AHCYL2: variants seen among roughly 807,000 people sequenced by gnomAD.
The protein encoded by AHCYL2 is S-adenosylhomocysteine hydrolase-like protein 2.
Under a neutral mutation model 81.4 loss-of-function variants are expected in AHCYL2, and 28 were observed. The ratio of observed to expected loss-of-function variants is 0.34; its 90% CI spans 0.25 to 0.47. The LOEUF is 0.47. AHCYL2 is among the 20% of genes least tolerant of loss of function. AHCYL2 has a pLI of 1.00. For missense variants in AHCYL2, 551 were observed against 785.1 expected, an observed-to-expected ratio of 0.70 and a Z score of 3.56; for synonymous variants, 272 against 290.2, an observed-to-expected ratio of 0.94 and a Z score of 0.64.
At chr7:129,346,307 T>C (rs1310711470) in intron 1 of AHCYL2, among the ~76,000 whole-genome samples, 1 of 152,150 alleles carries the variant, frequency 6.6e-6, no homozygotes, top group Non-Finnish European at 1.5e-5. Context: ...GAGCCTCAGT[T>C]TTTTCAACTG....
intron 1 of AHCYL2, among the ~76,000 whole-genome samples, chr7:129,275,570 ATAG>A (rs1490419478): frequency 6.6e-6 from 1 of 152,234 alleles, no homozygotes; most frequent in East Asian, 1.9e-4. Flanking sequence ...TAGCAGGTTA[ATAG>A]TAGCCAAAAC....
chr7:129,238,697 A>G (rs1794726399), intron 1 of AHCYL2, among the ~76,000 whole-genome samples: 1 of 152,124 alleles, frequency 6.6e-6, no homozygotes. Flanking sequence ...CACGCTTGCA[A>G]TCCCAGCACT....
chr7:129,376,000 CT>C (rs1408117646), intron 1 of AHCYL2: 6 of 1,513,482 alleles, frequency 4.0e-6, no homozygotes, highest in African/African-American at 1.4e-5. Context: ...TGCTTATACT[CT>C]TTTTCCCCTC....
chr7:129,371,017 C>A (rs57263220), intron 1 of AHCYL2, among the ~76,000 whole-genome samples: 45,734 of 152,096 alleles, frequency 0.3, 6,987 homozygotes, highest in South Asian at 0.37. Flanking sequence ...GCCAAGAAAG[C>A]TAACCTCTGA....
At chr7:129,399,054 A>G (rs1237854799) in intron 5 of AHCYL2, among the ~76,000 whole-genome samples, 1 of 148,840 alleles carries the variant, frequency 6.7e-6, no homozygotes, top group Non-Finnish European at 1.5e-5. Flanking sequence ...AGGCAGGAGA[A>G]TCGCTTGAAC....
At chr7:129,260,763 C>A (rs931623194) in intron 1 of AHCYL2, among the ~76,000 whole-genome samples, 7 of 152,138 alleles carry the variant, frequency 4.6e-5, no homozygotes, top group African/African-American at 1.7e-4. Context: ...GTCAACTGAA[C>A]TCTCATCAAC....
intron 11 of AHCYL2, chr7:129,410,412 C>T: frequency 6.3e-7 from 1 of 1,578,942 alleles, no homozygotes; most frequent in Non-Finnish European, 8.7e-7. Flanking sequence ...GAACTATTAG[C>T]AATTCACAGG....
In AHCYL2 at chr7:129,266,995, G is replaced by A. The variant is rs189069177; in HGVS notation, c.363+41556G>A. 2.4e-4 allele frequency among the ~76,000 whole-genome samples: 37 copies of A among 151,326 alleles called. No individual in the cohort carries two copies. In the East Asian group the frequency reaches 6.0e-3, roughly 25 times the overall value. On this transcript the variant is annotated intron_variant, in intron 1 of 16. Coordinates refer to ENST00000325006, the MANE Select transcript of AHCYL2 (RefSeq NM_015328.4). Reference sequence around the variant, plus strand: ...ACTAAACGCAAAATATTTATGTTGTGGAGACATAGTAAATTATGATACATT... The same window carrying A: ...ACTAAACGCAAAATATTTATGTTGTAGAGACATAGTAAATTATGATACATT...
chr7:129,368,122 G>T lies in AHCYL2; in HGVS notation c.364-11516G>T. On this transcript the variant is annotated intron_variant, in intron 1 of 16. Transcript: ENST00000325006. This position sits in a 1 kb window ranked among gnomAD's most constrained non-coding sequence, Gnocchi z 4.4. ...AATTCACAAGTGCCTCACACACAGG[G>T]AAAGAAGGAAGTCCAACTATTGCTG... is the stretch of plus-strand genomic sequence containing the variant. The T allele has an allele frequency of 9.7e-7, 1 of 1,033,368 alleles. No individual in the cohort carries two copies. The highest frequency in any genetic ancestry group is 1.7e-5 in the African/African-American group (1 of 59,000). 64.0% of individuals were successfully genotyped at this position (1,033,368 alleles called of 1,614,324 possible). A position where few individuals can be genotyped will look rare whatever the true frequency, so the allele number is the denominator to read the frequency against.
chr7:129,338,033 C>T (rs1192670464), intron 1 of AHCYL2, among the ~76,000 whole-genome samples: 1 of 151,896 alleles, frequency 6.6e-6, no homozygotes, highest in Non-Finnish European at 1.5e-5. Flanking sequence ...TATGAGCCAC[C>T]GCGCCTGGCC....
intron 1 of AHCYL2, among the ~76,000 whole-genome samples, chr7:129,366,191 A>G (rs1219317666): frequency 6.6e-6 from 1 of 151,658 alleles, no homozygotes; most frequent in Non-Finnish European, 1.5e-5. Context: ...CTTTACTTCT[A>G]CCTCTGCTGT....
intron 1 of AHCYL2, among the ~76,000 whole-genome samples, chr7:129,319,164 A>G (rs778689874): frequency 2.6e-5 from 4 of 152,184 alleles, no homozygotes; most frequent in Non-Finnish European, 5.9e-5. Flanking sequence ...AACTCATGAA[A>G]ATAAACACAG....
intron 1 of AHCYL2, among the ~76,000 whole-genome samples, chr7:129,258,318 T>C (rs1211854192): frequency 6.6e-6 from 1 of 151,986 alleles, no homozygotes; most frequent in Non-Finnish European, 1.5e-5. Context: ...TGTTGGATTG[T>C]TGCTTAAATA....
chr7:129,417,233 C>T (rs1049875105), intron 12 of AHCYL2, among the ~76,000 whole-genome samples: 3 of 152,202 alleles, frequency 2.0e-5, no homozygotes, highest in Non-Finnish European at 4.4e-5. Flanking sequence ...AAGGCCAGTA[C>T]ACATGCCCTC....
At chr7:129,290,755 C>G (rs1796819568) in intron 1 of AHCYL2, among the ~76,000 whole-genome samples, 1 of 151,388 alleles carries the variant, frequency 6.6e-6, no homozygotes, top group Non-Finnish European at 1.5e-5. Flanking sequence ...ATGGTGAAAC[C>G]CCATCTCTAC....
At chr7:129,280,280 C>A (rs1296487740) in intron 1 of AHCYL2, among the ~76,000 whole-genome samples, 1 of 146,892 alleles carries the variant, frequency 6.8e-6, no homozygotes, top group Non-Finnish European at 1.5e-5. Context: ...AGCAGTTCTT[C>A]TGCCTCAGCC....
chr7:129,368,684 AC>A lies in AHCYL2; in HGVS notation c.364-10953del, dbSNP rs1794223599. The A allele has an allele frequency of 1.2e-5, 13 of 1,090,062 alleles. 1 individual carries two copies. Among genetic ancestry groups the A allele is most frequent in the Non-Finnish European group, 1.8e-5 (13 of 731,278 alleles). 67.5% of individuals were successfully genotyped at this position (1,090,062 alleles called of 1,614,324 possible). On this transcript the variant is annotated intron_variant, in intron 1 of 16. Coordinates refer to ENST00000325006, the MANE Select transcript of AHCYL2 (RefSeq NM_015328.4). The surrounding 1 kb of genome is among the most constrained non-coding windows in gnomAD (Gnocchi z 4.4). ...TGGTTGGAAAAACAGTTATTACTCT[AC>A]GTTCTGATTAGTTCCTAGGTACTAG...
chr7:129,390,035 A>G (rs1018525649), intron 4 of AHCYL2, among the ~76,000 whole-genome samples: 1 of 152,172 alleles, frequency 6.6e-6, no homozygotes, highest in Admixed American at 6.5e-5. Context: ...CAAGACCCCT[A>G]GTGGACACCT....
intron 1 of AHCYL2, among the ~76,000 whole-genome samples, chr7:129,273,359 G>A (rs979641173): frequency 3.9e-5 from 3 of 77,758 alleles, no homozygotes; most frequent in East Asian, 8.7e-4. Context: ...ACGGAGTTTC[G>A]CTCTTGTTGC....
Sources: allele counts gnomAD v4.1 joint callset (sites outside exome capture counted in the v4.1 genomes callset), GRCh38; gene constraint gnomAD v4.1.1; non-coding constraint Gnocchi (gnomAD v3.1); transcripts MANE v1.5; gene names NCBI Gene and HGNC (gene_info 2026-07-23, HGNC 2026-07-21).